MYRIP: variants seen among roughly 807,000 people sequenced by gnomAD.
The protein encoded by MYRIP is myosin VIIA and Rab interacting protein.
Under a neutral mutation model 98.0 loss-of-function variants are expected in MYRIP, and 49 were observed. That is an observed-to-expected ratio of 0.50 (90% CI 0.40 to 0.63). The LOEUF (loss-of-function observed/expected upper bound fraction) is 0.63. Among genes scored for constraint, MYRIP ranks in the 30% least tolerant of loss-of-function variants. MYRIP has a pLI of 0.00. For synonymous variants in MYRIP, 404 were observed against 409.5 expected, an observed-to-expected ratio of 0.99 and a Z score of 0.16; for missense variants, 1,004 against 1,058.2, an observed-to-expected ratio of 0.95 and a Z score of 0.71.
chr3:40,070,193 A>G (rs1948197084), intron 3 of MYRIP, among the ~76,000 whole-genome samples: 1 of 152,164 alleles, frequency 6.6e-6, no homozygotes, highest in Non-Finnish European at 1.5e-5. Flanking sequence ...CTGACTTCCA[A>G]GCAAAGCAAG....
intron 1 of MYRIP, among the ~76,000 whole-genome samples, chr3:39,823,141 T>A (rs1202022625): frequency 1.3e-5 from 2 of 148,782 alleles, no homozygotes; most frequent in Non-Finnish European, 3.0e-5. Flanking sequence ...TGCCTCAGCC[T>A]CCCCAGTAGC....
intron 1 of MYRIP, among the ~76,000 whole-genome samples, chr3:39,843,567 G>C (rs1307954603): frequency 6.6e-6 from 1 of 152,234 alleles, no homozygotes; most frequent in Non-Finnish European, 1.5e-5. Flanking sequence ...TGTTACCTTG[G>C]TGAGACTAAT....
chr3:40,023,432 GC>G (rs1947046041), intron 2 of MYRIP, among the ~76,000 whole-genome samples: 1 of 152,156 alleles, frequency 6.6e-6, no homozygotes, highest in African/African-American at 2.4e-5. Context: ...CATGCAGGCT[GC>G]CCCAGACTTA....
chr3:40,165,870 A>G lies in MYRIP; in HGVS notation c.551-976A>G, dbSNP rs188426926. Among the ~76,000 whole-genome samples the G allele has an allele frequency of 1.2e-3, 179 of 152,258 alleles. 2 individuals carry two copies. The highest frequency in any genetic ancestry group is 3.4e-3 in the Middle Eastern group (1 of 294). On this transcript the variant is annotated intron_variant, in intron 5 of 16. Transcript: ENST00000302541. ...AAATCAAGGGCTTTGGATTAGAAGG[A>G]ATTTGGAATGGAATCCAAATTCAAA...
At chr3:39,852,590 T>A (rs1224875372) in intron 1 of MYRIP, among the ~76,000 whole-genome samples, 1 of 152,122 alleles carries the variant, frequency 6.6e-6, no homozygotes, top group Non-Finnish European at 1.5e-5. Context: ...TCTTATACCT[T>A]TGTGTCCTCA....
intron 1 of MYRIP, among the ~76,000 whole-genome samples, chr3:39,815,023 C>A (rs1313527056): frequency 6.6e-6 from 1 of 152,148 alleles, no homozygotes; most frequent in Non-Finnish European, 1.5e-5. Context: ...AAGTCACATA[C>A]TATACAATTC....
At position 39,972,340 on chromosome 3, in the gene MYRIP, C is replaced by T. The variant is rs1945607884; in HGVS notation, c.110+71414C>T. ...GATTATTATTAGTACCTCTGTCTTT[C>T]CCAGCATGCAATTATTTGCATATTA... is the stretch of plus-strand genomic sequence containing the variant. On this transcript the variant is annotated intron_variant, in intron 2 of 16. Coordinates refer to ENST00000302541, the MANE Select transcript of MYRIP (RefSeq NM_015460.4). Among the ~76,000 whole-genome samples, 4 of 151,956 alleles carry T rather than the reference C, an allele frequency of 2.6e-5. No homozygotes were observed. The South Asian group carries it at 8.3e-4, about 31-fold the overall frequency.
chr3:39,942,882 C>T (rs1406333351), intron 2 of MYRIP, among the ~76,000 whole-genome samples: 1 of 152,118 alleles, frequency 6.6e-6, no homozygotes, highest in Non-Finnish European at 1.5e-5. Flanking sequence ...TTTTTAAACT[C>T]CCACATATGA....
intron 2 of MYRIP, among the ~76,000 whole-genome samples, chr3:39,925,936 A>G (rs1017604157): frequency 6.6e-6 from 1 of 152,134 alleles, no homozygotes; most frequent in African/African-American, 2.4e-5. Flanking sequence ...GAACTAATTT[A>G]CATTCTCACC....
intron 1 of MYRIP, among the ~76,000 whole-genome samples, chr3:39,841,255 A>G (rs1941791003): frequency 6.6e-6 from 1 of 150,680 alleles, no homozygotes; most frequent in Non-Finnish European, 1.5e-5. Context: ...TTTGGCTACA[A>G]CGTATGCTTC....
chr3:40,119,702 G>A (rs1949357703), intron 3 of MYRIP, among the ~76,000 whole-genome samples: 1 of 152,066 alleles, frequency 6.6e-6, no homozygotes, highest in South Asian at 2.1e-4. Context: ...CTCATTCATA[G>A]GTGGGAATTG....
At chr3:40,255,041 G>C (rs893070122) in intron 16 of MYRIP, among the ~76,000 whole-genome samples, 3 of 152,072 alleles carry the variant, frequency 2.0e-5, no homozygotes, top group African/African-American at 7.2e-5. Context: ...TTACTCTCAG[G>C]CATTACATGG....
At chr3:40,098,569 C>T (rs1016231487) in intron 3 of MYRIP, among the ~76,000 whole-genome samples, 10 of 152,154 alleles carry the variant, frequency 6.6e-5, no homozygotes, top group Non-Finnish European at 5.9e-5. Context: ...TATTCTGAAT[C>T]ATCCATGCAT....
intron 3 of MYRIP, among the ~76,000 whole-genome samples, chr3:40,110,028 T>G (rs1444685482): frequency 6.6e-6 from 1 of 151,992 alleles, no homozygotes; most frequent in African/African-American, 2.4e-5. Flanking sequence ...CTATGATAAG[T>G]GCAACTGGAA....
intron 2 of MYRIP, among the ~76,000 whole-genome samples, chr3:39,994,761 C>T (rs938630119): frequency 3.9e-5 from 6 of 152,164 alleles, no homozygotes; most frequent in South Asian, 2.1e-4. Flanking sequence ...CCCTGACCCC[C>T]GAGTAGCCTA....
At chr3:39,869,428 C>T (rs1193003548) in intron 1 of MYRIP, among the ~76,000 whole-genome samples, 1 of 152,072 alleles carries the variant, frequency 6.6e-6, no homozygotes, top group Non-Finnish European at 1.5e-5. Context: ...TTCTATCTCT[C>T]TATTGATATT....
At chr3:40,090,860 G>C (rs998033848) in intron 3 of MYRIP, among the ~76,000 whole-genome samples, 2 of 152,174 alleles carry the variant, frequency 1.3e-5, no homozygotes, top group Admixed American at 1.3e-4. Context: ...TTGGTGGGCT[G>C]TGGAACCTTA....
intron 11 of MYRIP, among the ~76,000 whole-genome samples, 163 bp downstream of exon 11, chr3:40,210,256 G>A (rs900832664): frequency 2.0e-5 from 3 of 152,128 alleles, no homozygotes; most frequent in African/African-American, 7.2e-5. Context: ...TTCTTAACTT[G>A]CACTGGGGGG....
intron 1 of MYRIP, among the ~76,000 whole-genome samples, chr3:39,850,158 C>T (rs749961133): frequency 1.3e-5 from 2 of 152,130 alleles, no homozygotes; most frequent in Non-Finnish European, 2.9e-5. Flanking sequence ...TATTTGTAAC[C>T]GCATGCTCTG....
Sources: gnomAD v4.1 joint callset for allele counts (sites outside exome capture counted in the v4.1 genomes callset) on GRCh38, gnomAD v4.1.1 for gene constraint, MANE v1.5 for transcripts, NCBI Gene and HGNC (gene_info 2026-07-23, HGNC 2026-07-21) for gene names.